Variants in PTCH1 observed in about 807,000 individuals in gnomAD.
The protein encoded by PTCH1 is patched 1.
In PTCH1, 14 loss-of-function variants were observed where a neutral mutation model predicts 144.6. The observed-to-expected ratio is 0.10, with a 90% CI of 0.06 to 0.15. The LOEUF (loss-of-function observed/expected upper bound fraction) is 0.15. PTCH1 is among the 10% of genes least tolerant of loss of function. The pLI is 1.00. For missense variants in PTCH1, 1,623 were observed against 1,948.3 expected, an observed-to-expected ratio of 0.83 and a Z score of 3.14; for synonymous variants, 833 against 793.6, an observed-to-expected ratio of 1.05 and a Z score of -0.83.
At chr9:95,499,112 G>A (rs1031417355) in intron 2 of PTCH1, among the ~76,000 whole-genome samples, 4 of 152,036 alleles carry the variant, frequency 2.6e-5, no homozygotes, top group African/African-American at 9.7e-5. Flanking sequence ...TAAGCACAGG[G>A]GACCAAGACT....
chr9:95,481,763 GAA>G (rs1841550616), intron 5 of PTCH1, 184 bp downstream of exon 5: 1 of 633,534 alleles, frequency 1.6e-6, no homozygotes, highest in African/African-American at 1.8e-5. Context: ...ATTGTTTTTT[GAA>G]AAGAGAAAAA....
intron 17 of PTCH1, 113 bp downstream of exon 17, chr9:95,459,487 T>C (rs1839260546): frequency 7.6e-7 from 1 of 1,315,472 alleles, no homozygotes; most frequent in Non-Finnish European, 1.1e-6. Context: ...GATTGTTCTG[T>C]TTACACTTCT....
intron 2 of PTCH1, among the ~76,000 whole-genome samples, chr9:95,489,808 T>A (rs947475311): frequency 1.6e-4 from 24 of 151,430 alleles, no homozygotes; most frequent in African/African-American, 5.6e-4. Context: ...GATAATTTTT[T>A]TTTTTTTTTT....
At chr9:95,459,827 G>A in intron 16 of PTCH1, 44 bp from the exon 17 acceptor site, 2 of 1,600,898 alleles carry the variant, frequency 1.2e-6, no homozygotes, top group Non-Finnish European at 1.7e-6. Context: ...ATGGGGTTGG[G>A]GGTAAACACA....
At chr9:95,460,260 T>A (rs1839346547) in intron 16 of PTCH1, among the ~76,000 whole-genome samples, 1 of 152,204 alleles carries the variant, frequency 6.6e-6, no homozygotes, top group Non-Finnish European at 1.5e-5. Context: ...ACTAGCCTCC[T>A]ATGACCTGTG....
intron 19 of PTCH1, among the ~76,000 whole-genome samples, chr9:95,454,739 G>A (rs756885659): frequency 5.3e-5 from 8 of 152,248 alleles, no homozygotes; most frequent in Non-Finnish European, 1.2e-4. Context: ...AGACATTCAT[G>A]AAAGAAGACT....
intron 2 of PTCH1, among the ~76,000 whole-genome samples, chr9:95,499,130 C>G (rs879151311): frequency 6.6e-6 from 1 of 152,034 alleles, no homozygotes; most frequent in African/African-American, 2.4e-5. Context: ...ACTTATTTCC[C>G]ACTCTCTCTG....
At chr9:95,451,207 C>G (rs1245113680) in intron 20 of PTCH1, 2 of 152,230 alleles carry the variant, frequency 1.3e-5, no homozygotes, top group Non-Finnish European at 2.9e-5. Flanking sequence ...ATGTCTTGGT[C>G]TAATGTAAAC....
chr9:95,473,065 T>C (rs572349535), intron 12 of PTCH1, among the ~76,000 whole-genome samples: 1 of 152,354 alleles, frequency 6.6e-6, no homozygotes, highest in East Asian at 1.9e-4. Context: ...CAAGGGGTTC[T>C]GTTCTGTGAG....
At chr9:95,464,442 T>C (rs1270789828) in intron 15 of PTCH1, among the ~76,000 whole-genome samples, 1 of 152,232 alleles carries the variant, frequency 6.6e-6, no homozygotes, top group Non-Finnish European at 1.5e-5. Context: ...TTTGTGTCAA[T>C]AATTATTTTC....
rs766147628 is a variant in PTCH1, at chr9:95,446,805, G to A, written c.*1+106C>T. On this transcript the variant is annotated intron_variant, in intron 23 of 23. Transcript: ENST00000331920. ...GTCACTGGGGTCCAGCGTGGGATGT[G>A]CCCGAGCGCCACAGCCCCTCGGGGA... 1.0e-5 allele frequency: 15 copies of A among 1,455,844 alleles called. No homozygotes were observed. In the Admixed American group the frequency reaches 2.0e-4, roughly 20 times the overall value. The allele number at this position is 1,455,844 out of a possible 1,614,324, so 90.2% of individuals were successfully genotyped here.
At chr9:95,510,183 G>T (rs893203614), upstream of PTCH1, among the ~76,000 whole-genome samples, 2 of 152,154 alleles carry the variant, frequency 1.3e-5, no homozygotes, top group Non-Finnish European at 2.9e-5. Flanking sequence ...TTGTTTCCTT[G>T]AGAGAGTAAA....
At chr9:95,497,571 G>A (rs929839989) in intron 2 of PTCH1, among the ~76,000 whole-genome samples, 5 of 152,098 alleles carry the variant, frequency 3.3e-5, no homozygotes, top group African/African-American at 4.8e-5. Flanking sequence ...GGCTCTCTCC[G>A]CCTCGCTTCC....
intron 12 of PTCH1, among the ~76,000 whole-genome samples, chr9:95,472,873 A>AGGGTTGTCGCAAAGGCAAGAGAGT (rs1554696631): frequency 6.6e-6 from 1 of 152,238 alleles, no homozygotes; most frequent in Non-Finnish European, 1.5e-5. Flanking sequence ...GAAAGCAAGA[A>AGGGTTGTCGCAAAGGCAAGAGAGT]GGGTTGTCGC....
Position 95,445,908 on chromosome 9 carries a change from C to T in PTCH1, c.*485G>A, listed in dbSNP as rs1198886366. 1.3e-5 allele frequency: 2 copies of T among 156,646 alleles called. No individual in the cohort carries two copies. The highest frequency in any genetic ancestry group is 4.8e-5 in the African/African-American group (2 of 41,536). The allele number at this position is 156,646 out of a possible 1,614,324, so 9.7% of individuals were successfully genotyped here. A position where few individuals can be genotyped will look rare whatever the true frequency, so the allele number is the denominator to read the frequency against. Reference sequence around the variant, plus strand: ...TAGCGTGTTTGAAAGTTAACAGTAACATTTCATACTACCACAGGGTTGTGA... The same window carrying T: ...TAGCGTGTTTGAAAGTTAACAGTAATATTTCATACTACCACAGGGTTGTGA... On this transcript the variant is annotated 3_prime_UTR_variant, in exon 24 of 24. Coordinates refer to ENST00000331920, the MANE Select transcript of PTCH1 (RefSeq NM_000264.5).
chr9:95,506,882 G>T (rs1007235571), intron 1 of PTCH1: 22 of 1,154,814 alleles, frequency 1.9e-5, no homozygotes, highest in Non-Finnish European at 2.1e-5. Context: ...CTGCAATACA[G>T]AAGAGGAAGC....
At chr9:95,491,008 CAAT>C (rs528522742) in intron 2 of PTCH1, among the ~76,000 whole-genome samples, 19 of 152,058 alleles carry the variant, frequency 1.2e-4, no homozygotes, top group Non-Finnish European at 2.4e-4. Flanking sequence ...TATTATGTAT[CAAT>C]AATACTAATA....
At chr9:95,477,134 G>T (rs1841108246) in intron 10 of PTCH1, among the ~76,000 whole-genome samples, 1 of 152,204 alleles carries the variant, frequency 6.6e-6, no homozygotes, top group Non-Finnish European at 1.5e-5. Flanking sequence ...GCAGAGTGTG[G>T]CCCATGGACC....
chr9:95,456,518 C>A (rs1838943785), intron 18 of PTCH1, 105 bp from the exon 19 acceptor site: 5 of 1,422,868 alleles, frequency 3.5e-6, no homozygotes, highest in Non-Finnish European at 4.8e-6. Flanking sequence ...CAGATCAAAA[C>A]AATGAATGGA....
Sources: allele counts gnomAD v4.1 joint callset (sites outside exome capture counted in the v4.1 genomes callset), GRCh38; gene constraint gnomAD v4.1.1; transcripts MANE v1.5; gene names NCBI Gene and HGNC (gene_info 2026-07-23, HGNC 2026-07-21).